ANXA3: variants seen among roughly 807,000 people sequenced by gnomAD.
ANXA3 encodes annexin A3.
In ANXA3, 46 loss-of-function variants were observed where a neutral mutation model predicts 48.8. That is an observed-to-expected ratio of 0.94 (90% CI 0.74 to 1.21). ANXA3 has a LOEUF of 1.21. Among genes scored for constraint, ANXA3 ranks in the 50% most tolerant of loss-of-function variants. The pLI, the probability that ANXA3 is intolerant of heterozygous loss-of-function variation, is 0.00. For missense variants in ANXA3, 383 were observed against 378.6 expected (o/e 1.01, Z -0.10); for synonymous variants, 128 against 134.7 (o/e 0.95, Z 0.35).
chr4:78,582,507 A>G, intron 5 of ANXA3: 1 of 456,236 alleles, frequency 2.2e-6, no homozygotes. Context: ...TTTGTTTGAC[A>G]TGAAGAGTCA....
chr4:78,575,331 A>G (rs1722925479), intron 3 of ANXA3, among the ~76,000 whole-genome samples: 1 of 151,812 alleles, frequency 6.6e-6, no homozygotes, highest in Non-Finnish European at 1.5e-5. Context: ...CATTGGTGAC[A>G]TGGTTTGGCC....
intron 3 of ANXA3, among the ~76,000 whole-genome samples, chr4:78,575,142 G>A (rs985991742): frequency 5.9e-5 from 9 of 152,032 alleles, no homozygotes; most frequent in Admixed American, 5.2e-4. Context: ...CCTCACTTGT[G>A]CATCTGCTTC....
intron 11 of ANXA3, chr4:78,603,458 AT>A (rs1476289428): frequency 2.0e-5 from 3 of 151,838 alleles, no homozygotes; most frequent in Non-Finnish European, 4.4e-5. Flanking sequence ...AAATCTTCCC[AT>A]TTTCTCCATC....
At chr4:78,594,661 A>G (rs1262406754) in intron 7 of ANXA3, among the ~76,000 whole-genome samples, 1 of 152,228 alleles carries the variant, frequency 6.6e-6, no homozygotes, top group Non-Finnish European at 1.5e-5. Context: ...TTCATGTGCC[A>G]TCTGTGCGTC....
intron 10 of ANXA3, 88 bp from the exon 11 acceptor site, chr4:78,601,422 A>C (rs1470764144): frequency 7.8e-7 from 1 of 1,285,118 alleles, no homozygotes; most frequent in Non-Finnish European, 1.1e-6. Flanking sequence ...TGACAGTCCA[A>C]AGAATCTTTT....
At chr4:78,561,277 G>T (rs1722622891) in intron 2 of ANXA3, among the ~76,000 whole-genome samples, 1 of 152,176 alleles carries the variant, frequency 6.6e-6, no homozygotes, top group African/African-American at 2.4e-5. Flanking sequence ...GTGGGAACAA[G>T]ATTGGTGCAG....
At chr4:78,559,267 G>A (rs1229651864) in intron 2 of ANXA3, among the ~76,000 whole-genome samples, 1 of 151,972 alleles carries the variant, frequency 6.6e-6, no homozygotes, top group African/African-American at 2.4e-5. Flanking sequence ...TTTTTTTATA[G>A]AGATGGGAAT....
intron 1 of ANXA3, among the ~76,000 whole-genome samples, chr4:78,553,260 A>G (rs569813015): frequency 6.6e-6 from 1 of 152,304 alleles, no homozygotes; most frequent in East Asian, 1.9e-4. Flanking sequence ...CAGCTTCTTC[A>G]TATGCAAAAC....
chr4:78,599,586 A>C (rs544619592), intron 10 of ANXA3, among the ~76,000 whole-genome samples: 104 of 152,238 alleles, frequency 6.8e-4, no homozygotes, highest in Non-Finnish European at 1.2e-3. Flanking sequence ...TGGCTCATGC[A>C]CATAATCCCA....
chr4:78,563,946 A>T (rs2109927530), intron 2 of ANXA3, among the ~76,000 whole-genome samples: 1 of 152,288 alleles, frequency 6.6e-6, no homozygotes, highest in East Asian at 1.9e-4. Flanking sequence ...AATCTTTGTG[A>T]CCCTTGGCCA....
intron 6 of ANXA3, among the ~76,000 whole-genome samples, chr4:78,588,496 A>C (rs1471979736): frequency 6.6e-6 from 1 of 152,312 alleles, no homozygotes; most frequent in East Asian, 1.9e-4. Flanking sequence ...TGAGACAACA[A>C]AGGAAAGAGG....
At chr4:78,565,214 G>A (rs1230510921) in intron 2 of ANXA3, among the ~76,000 whole-genome samples, 2 of 151,992 alleles carry the variant, frequency 1.3e-5, no homozygotes, top group East Asian at 1.9e-4. Flanking sequence ...GGCTGGTCTC[G>A]AACTCCTGAC....
intron 6 of ANXA3, among the ~76,000 whole-genome samples, chr4:78,586,845 C>A (rs1288686791): frequency 2.6e-5 from 4 of 152,262 alleles, no homozygotes; most frequent in Admixed American, 1.3e-4. Flanking sequence ...ACTGTAACTA[C>A]CCAGGGTTAG....
At chr4:78,577,597 T>C (rs1265629135) in intron 3 of ANXA3, among the ~76,000 whole-genome samples, 1 of 152,196 alleles carries the variant, frequency 6.6e-6, no homozygotes, top group African/African-American at 2.4e-5. Context: ...AAAGGCAGCA[T>C]CTTTCATTGG....
rs182236556 is a variant in ANXA3, at chr4:78,555,068, G to A, written c.15+580G>A. ...TAGAAATACAAAAATAGCCCGGTGC[G>A]ATGGCAGATGCCTGTAATCCCAGCT... On this transcript the variant is annotated intron_variant, in intron 2 of 12. Coordinates refer to ENST00000264908, the MANE Select transcript of ANXA3 (RefSeq NM_005139.3). Among the ~76,000 whole-genome samples the A allele has an allele frequency of 3.0e-3, 454 of 152,286 alleles. 2 individuals are homozygous for A. The highest frequency in any genetic ancestry group is 0.017 in the Middle Eastern group (5 of 294).
intron 6 of ANXA3, among the ~76,000 whole-genome samples, chr4:78,587,150 C>T (rs1395664834): frequency 1.3e-5 from 2 of 152,188 alleles, no homozygotes; most frequent in Non-Finnish European, 2.9e-5. Flanking sequence ...CTCTCCTGAC[C>T]ATTGATATAT....
chr4:78,556,529 A>G (rs2109923025), intron 2 of ANXA3, among the ~76,000 whole-genome samples: 1 of 152,070 alleles, frequency 6.6e-6, no homozygotes, highest in African/African-American at 2.4e-5. Context: ...AGCATACATT[A>G]TATTTTATAA....
chr4:78,584,549 G>A (rs1343643481), intron 5 of ANXA3, among the ~76,000 whole-genome samples: 9 of 152,088 alleles, frequency 5.9e-5, no homozygotes, highest in African/African-American at 2.2e-4. Flanking sequence ...ACCATGGCAG[G>A]GAACCTCATT....
intron 4 of ANXA3, among the ~76,000 whole-genome samples, chr4:78,581,960 G>T (rs1481291091): frequency 6.6e-6 from 1 of 152,096 alleles, no homozygotes. Flanking sequence ...CTCCCATTTG[G>T]CTCTCCTTCA....
Sources: allele counts gnomAD v4.1 joint callset (sites outside exome capture counted in the v4.1 genomes callset), GRCh38; gene constraint gnomAD v4.1.1; transcripts MANE v1.5; gene names NCBI Gene and HGNC (gene_info 2026-07-23, HGNC 2026-07-21).